Variants in DAPK1 observed in about 807,000 individuals in gnomAD.
The protein encoded by DAPK1 is death associated protein kinase 1.
In DAPK1, 56 loss-of-function variants were observed where a neutral mutation model predicts 144.9. That is an observed-to-expected ratio of 0.39 (90% CI 0.31 to 0.48). The LOEUF (loss-of-function observed/expected upper bound fraction) is 0.48, where lower values mean the gene tolerates loss of function less well. DAPK1 is among the 20% of genes least tolerant of loss of function. The pLI is 0.95. For missense variants in DAPK1, 1,454 were observed against 1,875.4 expected (o/e 0.78, Z 4.15); for synonymous variants, 690 against 749.0 (o/e 0.92, Z 1.29).
chr9:87,632,456 G>A (rs1169765108), intron 3 of DAPK1: 12 of 981,024 alleles, frequency 1.2e-5, no homozygotes, highest in Non-Finnish European at 1.5e-5. Flanking sequence ...AGGAGGATGA[G>A]TATATATATA....
chr9:87,659,973 T>C (rs1269487157), intron 18 of DAPK1, among the ~76,000 whole-genome samples: 1 of 152,090 alleles, frequency 6.6e-6, no homozygotes, highest in Non-Finnish European at 1.5e-5. Context: ...AGTCACTGAA[T>C]GGGACCGCGT....
chr9:87,630,135 C>T (rs1226314918), intron 3 of DAPK1, among the ~76,000 whole-genome samples: 1 of 152,142 alleles, frequency 6.6e-6, no homozygotes, highest in Non-Finnish European at 1.5e-5. Flanking sequence ...GCCACAGCTG[C>T]CCAGCCAACC....
At chr9:87,600,384 C>T (rs1201199255) in intron 2 of DAPK1, among the ~76,000 whole-genome samples, 1 of 152,056 alleles carries the variant, frequency 6.6e-6, no homozygotes. Context: ...CCCAGGAGTT[C>T]TAGACCAGCC....
At chr9:87,652,603 T>A (rs1325220812) in intron 17 of DAPK1, among the ~76,000 whole-genome samples, 27 of 138,262 alleles carry the variant, frequency 2.0e-4, no homozygotes, top group African/African-American at 5.3e-4. Flanking sequence ...TCTCACCTGA[T>A]CCCAGGTCCT....
chr9:87,671,490 A>G (rs1824147006), intron 19 of DAPK1, among the ~76,000 whole-genome samples: 1 of 147,640 alleles, frequency 6.8e-6, no homozygotes, highest in South Asian at 2.2e-4. Flanking sequence ...GGAAAAGAAT[A>G]GTCACCTTTT....
chr9:87,508,301 C>T (rs918744438), intron 2 of DAPK1, among the ~76,000 whole-genome samples: 3 of 151,776 alleles, frequency 2.0e-5, no homozygotes, highest in African/African-American at 7.3e-5. Flanking sequence ...TGTGAGTCGC[C>T]GCACTGGTCC....
chr9:87,634,775 C>CCACG (rs1419204130), intron 3 of DAPK1, among the ~76,000 whole-genome samples: 4 of 152,186 alleles, frequency 2.6e-5, no homozygotes, highest in Admixed American at 2.6e-4. Flanking sequence ...CCAACTCCAC[C>CCACG]CACGGTCCCT....
Position 87,708,540 on chromosome 9 carries a change from A to G in DAPK1, c.*1176A>G, listed in dbSNP as rs1488764555. ...ATATGCACTATGTATATACATATAT[A>G]TTAATACTGGTATTTTTACTTAATC... On this transcript the variant is annotated 3_prime_UTR_variant, in exon 26 of 26. Coordinates refer to ENST00000408954, the MANE Select transcript of DAPK1 (RefSeq NM_004938.4). 1 of 152,616 alleles carries G rather than the reference A, an allele frequency of 6.6e-6. No homozygotes were observed. Among genetic ancestry groups the G allele is most frequent in the Non-Finnish European group, 1.5e-5 (1 of 68,042 alleles). 9.5% of individuals were successfully genotyped at this position (152,616 alleles called of 1,614,324 possible). A position where few individuals can be genotyped will look rare whatever the true frequency, so the allele number is the denominator to read the frequency against.
intron 2 of DAPK1, among the ~76,000 whole-genome samples, chr9:87,505,319 G>A (rs1428613191): frequency 6.6e-6 from 1 of 152,242 alleles, no homozygotes; most frequent in Non-Finnish European, 1.5e-5. Context: ...TCTGACAAGA[G>A]GGGAGTGGTT....
intron 3 of DAPK1, among the ~76,000 whole-genome samples, chr9:87,636,341 C>T (rs983188424): frequency 6.6e-6 from 1 of 152,302 alleles, no homozygotes; most frequent in Middle Eastern, 3.4e-3. Flanking sequence ...TGCCAGGCCC[C>T]TGGGGATAGG....
intron 1 of DAPK1, 131 bp from the exon 2 acceptor site, chr9:87,498,839 C>G (rs1235720134): frequency 3.2e-5 from 17 of 525,366 alleles, no homozygotes; most frequent in Non-Finnish European, 5.5e-5. Context: ...GGGTGCTCCT[C>G]TCCACCCCGC....
intron 2 of DAPK1, among the ~76,000 whole-genome samples, chr9:87,528,359 AG>A (rs1036436776): frequency 4.0e-5 from 6 of 151,834 alleles, no homozygotes; most frequent in Non-Finnish European, 8.8e-5. Context: ...CTGGGATTAC[AG>A]GTGTGCATCA....
Position 87,499,146 on chromosome 9 carries a change from G to T in DAPK1, c.62+7G>T, listed in dbSNP as rs1391613059. 1 of 1,612,282 alleles carries T rather than the reference G, an allele frequency of 6.2e-7. No homozygotes were observed. The highest frequency in any genetic ancestry group is 2.2e-5 in the East Asian group (1 of 44,860). ...CCGGCGAGGAACTTGGCAGGTAAAGGGGGTACCAGAAGCGTACCCTCCTGG... is the reference window on the plus strand; with the variant it reads ...CCGGCGAGGAACTTGGCAGGTAAAGTGGGTACCAGAAGCGTACCCTCCTGG... On this transcript the variant is annotated splice_region_variant and intron_variant, in intron 2 of 25. Transcript: ENST00000408954.
intron 2 of DAPK1, among the ~76,000 whole-genome samples, chr9:87,541,613 A>G (rs896151081): frequency 2.0e-5 from 3 of 152,132 alleles, no homozygotes; most frequent in Non-Finnish European, 2.9e-5. Flanking sequence ...ACTCTGTCCA[A>G]CTAGAAGCAT....
At chr9:87,564,043 T>A (rs1827027931) in intron 2 of DAPK1, among the ~76,000 whole-genome samples, 1 of 152,224 alleles carries the variant, frequency 6.6e-6, no homozygotes, top group South Asian at 2.1e-4. Flanking sequence ...TTGGAGCTTC[T>A]TTTTCCTATA....
At chr9:87,669,852 C>G (rs1213743275) in intron 19 of DAPK1, among the ~76,000 whole-genome samples, 1 of 152,090 alleles carries the variant, frequency 6.6e-6, no homozygotes, top group Non-Finnish European at 1.5e-5. Flanking sequence ...ATTAAAACCC[C>G]TTGGAGTTGA....
rs147675462 is a variant in DAPK1 at position 87,525,176 on chromosome 9, CTG to C, written c.62+26043_62+26044del. 5,618 of 723,068 alleles carry C rather than the reference CTG, an allele frequency of 7.8e-3. 146 individuals carry two copies. Among genetic ancestry groups the C allele is most frequent in the African/African-American group, 0.073 (4,177 of 57,576 alleles). 44.8% of individuals were successfully genotyped at this position (723,068 alleles called of 1,614,324 possible). A position where few individuals can be genotyped will look rare whatever the true frequency, so the allele number is the denominator to read the frequency against. ...CAGTTGGGTGGAAGACTGTGTCTTC[CTG>C]TGTGTTTGGATGAGTACCAGAACTT... On this transcript the variant is annotated intron_variant, in intron 2 of 25. Coordinates refer to ENST00000408954, the MANE Select transcript of DAPK1 (RefSeq NM_004938.4).
Position 87,706,002 on chromosome 9 carries a change from G to A in DAPK1, c.3061-130G>A. The A allele has an allele frequency of 1.5e-6, 1 of 673,930 alleles. No individual in the cohort carries two copies. The allele number at this position is 673,930 out of a possible 1,614,324, so 41.7% of individuals were successfully genotyped here. On this transcript the variant is annotated intron_variant, in intron 25 of 25. Transcript: ENST00000408954. The surrounding 1 kb of genome is among the most constrained non-coding windows in gnomAD (Gnocchi z 9.0). ...TTTTGAGACGCATCCACGTGGAATGGCCTTGGGTCACTCCTTAGAGCATCT... is the reference window on the plus strand; with the variant it reads ...TTTTGAGACGCATCCACGTGGAATGACCTTGGGTCACTCCTTAGAGCATCT...
At chr9:87,680,253 C>T (rs1291775846) in intron 19 of DAPK1, among the ~76,000 whole-genome samples, 4 of 152,010 alleles carry the variant, frequency 2.6e-5, no homozygotes, top group Admixed American at 1.3e-4. Flanking sequence ...TACAGGCTCC[C>T]GCCACCACGC....
Sources: gnomAD v4.1 joint callset for allele counts (sites outside exome capture counted in the v4.1 genomes callset) on GRCh38, gnomAD v4.1.1 for gene constraint, Gnocchi (gnomAD v3.1) non-coding constraint, MANE v1.5 for transcripts, NCBI Gene and HGNC (gene_info 2026-07-23, HGNC 2026-07-21) for gene names.